CLSTN2: variants seen among roughly 807,000 people sequenced by gnomAD.
The protein encoded by CLSTN2 is calsyntenin 2.
A neutral mutation model predicts 101.2 loss-of-function variants in CLSTN2; 48 were observed. That is an observed-to-expected ratio of 0.47 (90% CI 0.38 to 0.60). CLSTN2 has a LOEUF of 0.60. Ranked by LOEUF, CLSTN2 falls within the 20% of genes least tolerant of loss-of-function variation. CLSTN2 has a pLI of 0.00. For synonymous variants in CLSTN2, 481 were observed against 463.6 expected, an observed-to-expected ratio of 1.04 and a Z score of -0.48; for missense variants, 1,160 against 1,238.2, an observed-to-expected ratio of 0.94 and a Z score of 0.95.
chr3:140,466,764 A>G, intron 8 of CLSTN2, 33 bp downstream of exon 8: 1 of 1,612,822 alleles, frequency 6.2e-7, no homozygotes, highest in Non-Finnish European at 8.5e-7. Context: ...GCTGCTACTC[A>G]TGCCTCTGCG....
Position 140,562,170 on chromosome 3 carries a change from C to T in CLSTN2, c.2074C>T (p.His692Tyr), listed in dbSNP as rs1261509878. The T allele has an allele frequency of 1.2e-6, 2 of 1,613,956 alleles. No homozygotes were observed. The highest frequency in any genetic ancestry group is 2.7e-5 in the African/African-American group (2 of 74,922). ...PKSEVLEEML[H>Y]NLDFCDILVI... ...ATCAGAAGTCTTAGAGGAAATGCTT[C>T]ATAACTTAGATTTCTGTGACATTTT... Residue 692 changes from histidine (H) to tyrosine (Y), a missense_variant, in exon 13 of 17, where the codon CAT (histidine) becomes TAT (tyrosine). Coordinates refer to ENST00000458420, the MANE Select transcript of CLSTN2 (RefSeq NM_022131.3).
intron 2 of CLSTN2, among the ~76,000 whole-genome samples, chr3:140,216,121 C>T (rs190429114): frequency 9.2e-5 from 14 of 152,246 alleles, no homozygotes; most frequent in Middle Eastern, 3.4e-3. Context: ...TATTGTGAAC[C>T]GTGCATGTGA....
intron 1 of CLSTN2, among the ~76,000 whole-genome samples, chr3:140,087,292 G>C (rs1013949224): frequency 2.0e-5 from 3 of 152,208 alleles, no homozygotes; most frequent in African/African-American, 7.2e-5. Context: ...TGAAGATTAG[G>C]ACAGAGCCCA....
chr3:140,162,424 G>A (rs1490798821), intron 1 of CLSTN2, among the ~76,000 whole-genome samples: 1 of 152,122 alleles, frequency 6.6e-6, no homozygotes, highest in Non-Finnish European at 1.5e-5. Context: ...ATTTAGTCTT[G>A]GTTATGTATC....
At chr3:139,968,489 A>C (rs929237494) in intron 1 of CLSTN2, among the ~76,000 whole-genome samples, 19 of 152,212 alleles carry the variant, frequency 1.2e-4, no homozygotes, top group Non-Finnish European at 7.3e-5. Flanking sequence ...CTCTTTTGTC[A>C]TGTGAGAATA....
chr3:140,142,539 T>G (rs1253381925), intron 1 of CLSTN2, among the ~76,000 whole-genome samples: 2 of 152,194 alleles, frequency 1.3e-5, no homozygotes, highest in Non-Finnish European at 2.9e-5. Context: ...TTGGGTTGCA[T>G]CTCCATAAAT....
chr3:140,015,792 T>G (rs556386715), intron 1 of CLSTN2, among the ~76,000 whole-genome samples: 1 of 152,272 alleles, frequency 6.6e-6, no homozygotes, highest in Non-Finnish European at 1.5e-5. Flanking sequence ...TATGGCAGAC[T>G]GTTCTGGTCA....
chr3:140,248,784 T>C (rs1466513506), intron 2 of CLSTN2, among the ~76,000 whole-genome samples: 1 of 152,172 alleles, frequency 6.6e-6, no homozygotes, highest in Non-Finnish European at 1.5e-5. Flanking sequence ...AAAATTTTCA[T>C]CTATACATGA....
At position 140,202,800 on chromosome 3, in the gene CLSTN2, G is replaced by A. The variant is rs1374599664; in HGVS notation, c.232+26727G>A. Reference sequence around the variant, plus strand: ...AAGCAAAGTAAAGACAGTATAGAAGGAGCGTGGAAGAGACTAGTGAGATGC... The same window carrying A: ...AAGCAAAGTAAAGACAGTATAGAAGAAGCGTGGAAGAGACTAGTGAGATGC... On this transcript the variant is annotated intron_variant, in intron 2 of 16. Coordinates refer to ENST00000458420, the MANE Select transcript of CLSTN2 (RefSeq NM_022131.3). Among the ~76,000 whole-genome samples, 4 of 152,160 alleles carry A rather than the reference G, an allele frequency of 2.6e-5. 1 individual carries two copies. Among genetic ancestry groups the A allele is most frequent in the African/African-American group, 9.7e-5 (4 of 41,424 alleles).
At chr3:140,195,684 A>G (rs1314544396) in intron 2 of CLSTN2, among the ~76,000 whole-genome samples, 7 of 152,218 alleles carry the variant, frequency 4.6e-5, no homozygotes, top group Admixed American at 3.3e-4. Context: ...AGTTTTATCT[A>G]TAAAGCATCA....
intron 8 of CLSTN2, among the ~76,000 whole-genome samples, chr3:140,526,672 T>G (rs76579493): frequency 0.016 from 2,315 of 148,262 alleles, 61 homozygotes; most frequent in African/African-American, 0.054. Context: ...ATCACATTAC[T>G]CGACTTCAAA....
At position 139,935,861 on chromosome 3, in the gene CLSTN2, G is replaced by A. The variant is rs1935011271; in HGVS notation, c.109+378G>A. On this transcript the variant is annotated intron_variant, in intron 1 of 16. Transcript: ENST00000458420. The surrounding 1 kb of genome is among the most constrained non-coding windows in gnomAD (Gnocchi z 5.5). ...ACAAGCAGGTGTCTGCTCCTGCCTG[G>A]GGGAAGGATCAGCGGCGGTGCTTTC... Among the ~76,000 whole-genome samples, 1 of 152,078 alleles carries A rather than the reference G, an allele frequency of 6.6e-6. No homozygotes were observed. The highest frequency in any genetic ancestry group is 6.5e-5 in the Admixed American group (1 of 15,282).
chr3:140,094,757 C>T (rs2008839846), intron 1 of CLSTN2, among the ~76,000 whole-genome samples: 1 of 152,220 alleles, frequency 6.6e-6, no homozygotes, highest in Non-Finnish European at 1.5e-5. Context: ...TCCCCAGTGT[C>T]TGTGCCCCCA....
At chr3:140,019,975 C>G (rs1359763378) in intron 1 of CLSTN2, among the ~76,000 whole-genome samples, 3 of 152,040 alleles carry the variant, frequency 2.0e-5, no homozygotes, top group African/African-American at 4.8e-5. Flanking sequence ...TTGGGTGGAA[C>G]CTCTGGGGCC....
chr3:140,481,672 T>C (rs1238784373), intron 8 of CLSTN2, among the ~76,000 whole-genome samples: 1 of 152,230 alleles, frequency 6.6e-6, no homozygotes, highest in Admixed American at 6.5e-5. Flanking sequence ...ACATCCCTTG[T>C]AAGTTGGATT....
At chr3:140,248,319 A>G (rs1486402644) in intron 2 of CLSTN2, among the ~76,000 whole-genome samples, 1 of 152,226 alleles carries the variant, frequency 6.6e-6, no homozygotes, top group African/African-American at 2.4e-5. Flanking sequence ...AGGAACAAGG[A>G]GCTTTCTCCT....
intron 2 of CLSTN2, among the ~76,000 whole-genome samples, chr3:140,391,070 G>A (rs780825352): frequency 6.6e-6 from 1 of 152,176 alleles, no homozygotes; most frequent in Non-Finnish European, 1.5e-5. Flanking sequence ...CAGGGGACTG[G>A]GGGCAGCCAG....
intron 2 of CLSTN2, among the ~76,000 whole-genome samples, chr3:140,360,934 A>G (rs2087723926): frequency 6.6e-6 from 1 of 152,240 alleles, no homozygotes; most frequent in Non-Finnish European, 1.5e-5. Flanking sequence ...ACATACTTAA[A>G]GAAGAAGTAA....
At chr3:140,056,752 A>T (rs748941663) in intron 1 of CLSTN2, among the ~76,000 whole-genome samples, 2 of 152,202 alleles carry the variant, frequency 1.3e-5, no homozygotes, top group Non-Finnish European at 2.9e-5. Context: ...TATTTGGAGA[A>T]ATTCAGGCTA....
Sources: gnomAD v4.1 joint callset for allele counts (sites outside exome capture counted in the v4.1 genomes callset) on GRCh38, gnomAD v4.1.1 for gene constraint, Gnocchi (gnomAD v3.1) non-coding constraint, MANE v1.5 for transcripts, NCBI Gene and HGNC (gene_info 2026-07-23, HGNC 2026-07-21) for gene names.